Variants in TMOD3 observed in about 807,000 individuals in gnomAD.
TMOD3 encodes tropomodulin 3.
A neutral mutation model predicts 39.2 loss-of-function variants in TMOD3; 20 were observed. That is an observed-to-expected ratio of 0.51 (90% CI 0.36 to 0.74). TMOD3 has a LOEUF of 0.74. Among genes scored for constraint, TMOD3 ranks in the 30% least tolerant of loss-of-function variants. TMOD3 has a pLI of 0.00. For synonymous variants in TMOD3, 143 were observed against 145.8 expected, an observed-to-expected ratio of 0.98 and a Z score of 0.14; for missense variants, 381 against 412.8, an observed-to-expected ratio of 0.92 and a Z score of 0.67.
intron 3 of TMOD3, among the ~76,000 whole-genome samples, chr15:51,882,386 C>A (rs1355662103): frequency 6.6e-6 from 1 of 151,856 alleles, no homozygotes; most frequent in Non-Finnish European, 1.5e-5. Context: ...GTAGTCCCAG[C>A]TACTTGGGAG....
rs2056702034 is a variant in TMOD3, at chr15:51,910,007, A to G, written c.*1197A>G. ...CTTGCTCAAAGTATTAAGGTGAACA[A>G]TTGAATAGAGTACTGTGGTCGGGAG... On this transcript the variant is annotated 3_prime_UTR_variant, in exon 10 of 10. Coordinates refer to ENST00000308580, the MANE Select transcript of TMOD3 (RefSeq NM_014547.5). The G allele has an allele frequency of 6.6e-6, 1 of 152,234 alleles. No individual in the cohort carries two copies. Among genetic ancestry groups the G allele is most frequent in the African/African-American group, 2.4e-5 (1 of 41,452 alleles). The allele number at this position is 152,234 out of a possible 1,614,324, so 9.4% of individuals were successfully genotyped here.
chr15:51,878,335 C>T (rs1236359986), intron 3 of TMOD3, among the ~76,000 whole-genome samples: 1 of 151,312 alleles, frequency 6.6e-6, no homozygotes, highest in Non-Finnish European at 1.5e-5. Flanking sequence ...GAGTTCAAGA[C>T]CAACCTGGCC....
chr15:51,869,191 A>G (rs2056462233), intron 2 of TMOD3, 26 bp from the exon 3 acceptor site: 11 of 1,607,254 alleles, frequency 6.8e-6, no homozygotes, highest in Non-Finnish European at 9.3e-6. Context: ...TATTGGTCAT[A>G]TTGGCTGATT....
Position 51,840,598 on chromosome 15 carries a change from C to CT in TMOD3, c.-75+10768dup, listed in dbSNP as rs555446293. Among the ~76,000 whole-genome samples, 592 of 152,222 alleles carry CT rather than the reference C, an allele frequency of 3.9e-3. 6 individuals are homozygous for CT. The highest frequency in any genetic ancestry group is 0.014 in the African/African-American group (576 of 41,526). ...TATAAAGTTAGCAAGAAGTTGAAAT[C>CT]TTTTTTGTAAGTTATTTTAAATGTC... On this transcript the variant is annotated intron_variant, in intron 1 of 9. Transcript: ENST00000308580.
intron 3 of TMOD3, among the ~76,000 whole-genome samples, chr15:51,879,025 A>G (rs183400452): frequency 1.4e-4 from 22 of 152,202 alleles, no homozygotes; most frequent in African/African-American, 5.3e-4. Context: ...AGCAAAAGAG[A>G]TAAGGACTAG....
chr15:51,896,972 G>T (rs1307367323), intron 7 of TMOD3, among the ~76,000 whole-genome samples: 1 of 152,126 alleles, frequency 6.6e-6, no homozygotes, highest in Non-Finnish European at 1.5e-5. Context: ...CTGTCAATGT[G>T]GTGTATTGAT....
At chr15:51,880,338 T>C (rs976504164) in intron 3 of TMOD3, among the ~76,000 whole-genome samples, 1 of 152,122 alleles carries the variant, frequency 6.6e-6, no homozygotes, top group African/African-American at 2.4e-5. Context: ...AAAGGTGATA[T>C]AATTCCCATA....
chr15:51,873,221 A>G (rs945022603), intron 3 of TMOD3, among the ~76,000 whole-genome samples: 5 of 152,342 alleles, frequency 3.3e-5, no homozygotes, highest in African/African-American at 1.2e-4. Flanking sequence ...TTATTAGAAT[A>G]CTTCCCATCA....
At chr15:51,876,539 G>A (rs970633546) in intron 3 of TMOD3, among the ~76,000 whole-genome samples, 1 of 149,290 alleles carries the variant, frequency 6.7e-6, no homozygotes, top group Non-Finnish European at 1.5e-5. Context: ...TCGGCTCACT[G>A]CAGGCTCCAC....
chr15:51,906,912 C>T (rs570493790), intron 9 of TMOD3, among the ~76,000 whole-genome samples: 9 of 150,258 alleles, frequency 6.0e-5, no homozygotes, highest in Admixed American at 1.3e-4. Flanking sequence ...CCCAGCTACT[C>T]GGGAGGCTGA....
intron 1 of TMOD3, among the ~76,000 whole-genome samples, chr15:51,831,081 G>C (rs961653610): frequency 6.6e-6 from 1 of 152,054 alleles, no homozygotes; most frequent in African/African-American, 2.4e-5. Flanking sequence ...AATATCTCTC[G>C]TTTTTAAAAG....
chr15:51,850,293 G>A (rs937977259), intron 1 of TMOD3, among the ~76,000 whole-genome samples: 1 of 152,268 alleles, frequency 6.6e-6, no homozygotes, highest in South Asian at 2.1e-4. Context: ...TGGAACCCTT[G>A]TATAAATGAG....
chr15:51,838,481 G>T (rs1316698186), intron 1 of TMOD3, among the ~76,000 whole-genome samples: 2 of 152,036 alleles, frequency 1.3e-5, no homozygotes, highest in Admixed American at 1.3e-4. Flanking sequence ...CTATTGTAAG[G>T]CTGCTGAGGT....
At chr15:51,898,596 G>A (rs1317489932) in intron 7 of TMOD3, among the ~76,000 whole-genome samples, 1 of 152,122 alleles carries the variant, frequency 6.6e-6, no homozygotes, top group East Asian at 1.9e-4. Flanking sequence ...TATGGATAAG[G>A]GATTTGTTCC....
At chr15:51,869,864 A>G (rs185749729) in intron 3 of TMOD3, among the ~76,000 whole-genome samples, 1 of 152,198 alleles carries the variant, frequency 6.6e-6, no homozygotes, top group Non-Finnish European at 1.5e-5. Flanking sequence ...TTTCTAGTCC[A>G]AGTCTCCCCC....
Position 51,893,711 on chromosome 15 carries a change from G to A in TMOD3, c.497-104G>A, listed in dbSNP as rs892657033. On this transcript the variant is annotated intron_variant, in intron 5 of 9. Transcript: ENST00000308580. ...ACCCGGGAGGCGGAGCTTGCAGTGA[G>A]CCGAGATCGTGCCACTGCACTCCGG... The A allele has an allele frequency of 1.3e-5, 15 of 1,138,896 alleles. No homozygotes were observed. The East Asian group carries it at 4.5e-4, about 34-fold the overall frequency. The allele number at this position is 1,138,896 out of a possible 1,614,324, so 70.5% of individuals were successfully genotyped here.
chr15:51,852,088 T>TA (rs2056364969), intron 1 of TMOD3, among the ~76,000 whole-genome samples: 1 of 152,240 alleles, frequency 6.6e-6, no homozygotes, highest in Non-Finnish European at 1.5e-5. Flanking sequence ...TGTATGCCAC[T>TA]TTTAAAATAG....
intron 1 of TMOD3, chr15:51,859,987 G>C: frequency 1.8e-6 from 1 of 544,574 alleles, no homozygotes; most frequent in Non-Finnish European, 3.7e-6. Context: ...CCAAGCAAAA[G>C]GTGATATAAC....
At chr15:51,858,886 A>C (rs1262316209) in intron 1 of TMOD3, among the ~76,000 whole-genome samples, 1 of 152,180 alleles carries the variant, frequency 6.6e-6, no homozygotes, top group Non-Finnish European at 1.5e-5. Flanking sequence ...AGATTCGTGC[A>C]TCAAGCTGAG....
Sources: allele counts gnomAD v4.1 joint callset (sites outside exome capture counted in the v4.1 genomes callset), GRCh38; gene constraint gnomAD v4.1.1; transcripts MANE v1.5; gene names NCBI Gene and HGNC (gene_info 2026-07-23, HGNC 2026-07-21).